The following PCDHGA3 variants were observed in gnomAD, a reference collection of about 807,000 sequenced individuals.
PCDHGA3 encodes the protein protocadherin gamma subfamily A, 3.
PCDHGA3 carries 40 observed loss-of-function variants against 58.5 expected under a neutral mutation model. The observed-to-expected ratio is 0.68, with a 90% CI of 0.53 to 0.89. PCDHGA3 has a LOEUF of 0.89. Ranked by LOEUF, PCDHGA3 falls within the 40% of genes least tolerant of loss-of-function variation. PCDHGA3 has a pLI of 0.00. For missense variants in PCDHGA3, 1,223 were observed against 1,195.9 expected (o/e 1.02, Z -0.33); for synonymous variants, 530 against 525.7 (o/e 1.01, Z -0.11).
intron 1 of PCDHGA3, chr5:141,388,375 G>A (rs2091339163): frequency 7.4e-6 from 12 of 1,613,962 alleles, no homozygotes; most frequent in Non-Finnish European, 1.0e-5. Flanking sequence ...GATATTGGTA[G>A]CAACACACTG....
At chr5:141,420,551 ATTTTTACGGCATGGT>A (rs2096505176) in intron 1 of PCDHGA3, 3 of 266,550 alleles carry the variant, frequency 1.1e-5, no homozygotes, top group Admixed American at 5.1e-5. Context: ...ATACAGGTAT[ATTTTTACGGCATGGT>A]ATTTTAATTG....
At chr5:141,435,383 G>C (rs1057246190) in intron 1 of PCDHGA3, among the ~76,000 whole-genome samples, 4 of 151,898 alleles carry the variant, frequency 2.6e-5, no homozygotes, top group Admixed American at 2.0e-4. Flanking sequence ...ACAATATACC[G>C]TATTGCCATG....
At position 141,485,149 on chromosome 5, in the gene PCDHGA3, A is replaced by G; in HGVS notation, c.2425-9658A>G. 6.3e-7 allele frequency: 1 copy of G among 1,578,106 alleles called. No individual in the cohort carries two copies. Among genetic ancestry groups the G allele is most frequent in the South Asian group, 1.1e-5 (1 of 89,070 alleles). ...CGGCTTCATCCGCGTCTCAGGAGCA[A>G]GTAGAGAATTAGCGGGCGGCAGCAA... On this transcript the variant is annotated intron_variant, in intron 1 of 3. Transcript: ENST00000253812. This position sits in a 1 kb window ranked among gnomAD's most constrained non-coding sequence, Gnocchi z 5.7.
chr5:141,392,268 A>G (rs2150475407), intron 1 of PCDHGA3: 1 of 152,374 alleles, frequency 6.6e-6, no homozygotes, highest in South Asian at 2.1e-4. Context: ...GACATTTACA[A>G]TAAAGCTTAG....
At chr5:141,427,901 G>C (rs2097088177) in intron 1 of PCDHGA3, 6 of 1,572,234 alleles carry the variant, frequency 3.8e-6, no homozygotes, top group East Asian at 2.2e-5. Flanking sequence ...GCTCGCCCGC[G>C]CTCAGCGCCA....
intron 1 of PCDHGA3, chr5:141,364,858 G>A (rs199575653): frequency 5.2e-5 from 84 of 1,613,888 alleles, no homozygotes; most frequent in Admixed American, 5.0e-4. Flanking sequence ...GCTCCAATCT[G>A]CACTTCTCTC....
chr5:141,430,707 C>T, intron 1 of PCDHGA3: 2 of 1,478,562 alleles, frequency 1.4e-6, no homozygotes, highest in Non-Finnish European at 9.0e-7. Flanking sequence ...GGAACTGCTC[C>T]TGACTTCAGT....
chr5:141,387,717 C>T (rs2091056709), intron 1 of PCDHGA3: 1 of 1,093,268 alleles, frequency 9.1e-7, no homozygotes, highest in African/African-American at 1.6e-5. Context: ...CCAGCTCAGA[C>T]TCCCCAGCGC....
At chr5:141,410,281 G>A (rs368378842) in intron 1 of PCDHGA3, 33 of 1,613,938 alleles carry the variant, frequency 2.0e-5, no homozygotes, top group Non-Finnish European at 2.0e-5. Context: ...TTTACCTGGT[G>A]GTGGCCTTGG....
Position 141,491,706 on chromosome 5 carries a change from G to T in PCDHGA3, c.2425-3101G>T. 6.2e-7 allele frequency: 1 copy of T among 1,611,088 alleles called. No individual in the cohort carries two copies. Among genetic ancestry groups the T allele is most frequent in the Non-Finnish European group, 8.5e-7 (1 of 1,178,772 alleles). On this transcript the variant is annotated intron_variant, in intron 1 of 3. Coordinates refer to ENST00000253812, the MANE Select transcript of PCDHGA3 (RefSeq NM_018916.4). The surrounding 1 kb of genome is among the most constrained non-coding windows in gnomAD (Gnocchi z 6.9). Reference sequence around the variant, plus strand: ...CGCTGCGGGAGCGGAGCCAGGTGAGGGGCTCGGCGCCGCCCCGGGCGACCC... The same window carrying T: ...CGCTGCGGGAGCGGAGCCAGGTGAGTGGCTCGGCGCCGCCCCGGGCGACCC...
rs749415234 is a variant in PCDHGA3 at position 141,419,462 on chromosome 5, C to G, written c.2424+73005C>G. 9 of 1,612,582 alleles carry G rather than the reference C, an allele frequency of 5.6e-6. 1 individual carries two copies. The highest frequency in any genetic ancestry group is 1.7e-5 in the Admixed American group (1 of 59,984). On this transcript the variant is annotated intron_variant, in intron 1 of 3. Transcript: ENST00000253812. ...CACCTTCGAGCTCACGCTGCAGGCC[C>G]GCGACCAGGGCTCGCCCGCGCTCAG... is the stretch of plus-strand genomic sequence containing the variant.
rs200519543 is a variant in PCDHGA3, at chr5:141,439,190, C to CAA, written c.2425-55603_2425-55602dup. 3.7e-3 allele frequency among the ~76,000 whole-genome samples: 409 copies of CAA among 111,790 alleles called. 4 individuals are homozygous for CAA. The highest frequency in any genetic ancestry group is 0.029 in the East Asian group (112 of 3,852). The allele number at this position is 111,790 out of a possible 152,430, so 73.3% of individuals were successfully genotyped here. A position where few individuals can be genotyped will look rare whatever the true frequency, so the allele number is the denominator to read the frequency against. On this transcript the variant is annotated intron_variant, in intron 1 of 3. Transcript: ENST00000253812. Reference sequence around the variant, plus strand: ...CCTGGGCGACATAGTGAGACTCTGACAAAAAAAAAAAAAAATCCATATGTG... The same window carrying CAA: ...CCTGGGCGACATAGTGAGACTCTGACAAAAAAAAAAAAAAAAATCCATATGTG...
intron 1 of PCDHGA3, chr5:141,364,702 C>G (rs1763490824): frequency 1.2e-6 from 2 of 1,613,922 alleles, no homozygotes; most frequent in East Asian, 2.2e-5. Flanking sequence ...TAGAAATAAT[C>G]GATATTAATG....
At chr5:141,404,661 A>G (rs930319561) in intron 1 of PCDHGA3, 1 of 1,614,098 alleles carries the variant, frequency 6.2e-7, no homozygotes. Context: ...CTCCCCACTG[A>G]TGGTTCTACT....
intron 1 of PCDHGA3, among the ~76,000 whole-genome samples, chr5:141,488,434 C>T (rs1231743982): frequency 2.6e-5 from 4 of 152,166 alleles, no homozygotes; most frequent in African/African-American, 7.2e-5. Flanking sequence ...TGGCCTCTGA[C>T]CACCCTCCTG....
intron 1 of PCDHGA3, among the ~76,000 whole-genome samples, chr5:141,456,790 C>T (rs1364747385): frequency 6.6e-6 from 1 of 151,976 alleles, no homozygotes; most frequent in Admixed American, 6.6e-5. Flanking sequence ...TGGCAAAACC[C>T]CATCTCTACT....
chr5:141,469,284 A>G lies in PCDHGA3; in HGVS notation c.2425-25523A>G, dbSNP rs192391622. On this transcript the variant is annotated intron_variant, in intron 1 of 3. Transcript: ENST00000253812. ...AGAGCAAGACCCCATCTCAAAAAAT[A>G]AAACAAAATAGACTGGGCACGATGG... Among the ~76,000 whole-genome samples, 595 of 152,012 alleles carry G rather than the reference A, an allele frequency of 3.9e-3. 6 individuals are homozygous for G. The highest frequency in any genetic ancestry group is 0.011 in the Admixed American group (171 of 15,260).
intron 1 of PCDHGA3, among the ~76,000 whole-genome samples, chr5:141,454,357 TAGAA>T (rs758087339): frequency 3.5e-4 from 54 of 152,354 alleles, no homozygotes; most frequent in Non-Finnish European, 6.3e-4. Context: ...GATCCAAACT[TAGAA>T]AGGAGTATGG....
chr5:141,485,444 G>A lies in PCDHGA3; in HGVS notation c.2425-9363G>A. 1 of 1,614,110 alleles carries A rather than the reference G, an allele frequency of 6.2e-7. No individual in the cohort carries two copies. Among genetic ancestry groups the A allele is most frequent in the Non-Finnish European group, 8.5e-7 (1 of 1,180,020 alleles). On this transcript the variant is annotated intron_variant, in intron 1 of 3. Coordinates refer to ENST00000253812, the MANE Select transcript of PCDHGA3 (RefSeq NM_018916.4). This position sits in a 1 kb window ranked among gnomAD's most constrained non-coding sequence, Gnocchi z 5.7. ...AGCCCTGCTCATCAAGAACCCAATC[G>A]ACCGAGAGGCACTGTGTGGGCTCAG...
Sources: allele counts gnomAD v4.1 joint callset (sites outside exome capture counted in the v4.1 genomes callset), GRCh38; gene constraint gnomAD v4.1.1; non-coding constraint Gnocchi (gnomAD v3.1); transcripts MANE v1.5; gene names NCBI Gene and HGNC (gene_info 2026-07-23, HGNC 2026-07-21).